RFX4: variants seen among roughly 807,000 people sequenced by gnomAD.
RFX4 encodes the protein regulatory factor X4.
RFX4 carries 10 observed loss-of-function variants against 95.0 expected under a neutral mutation model. The observed-to-expected ratio is 0.11, with a 90% CI of 0.06 to 0.18. The LOEUF is 0.18. RFX4 is among the 10% of genes least tolerant of loss of function. The probability of loss-of-function intolerance (pLI) is 1.00; values close to 1 mark genes in which losing one functional copy is unlikely to be tolerated. For missense variants in RFX4, 640 were observed against 922.0 expected (o/e 0.69, Z 3.96); for synonymous variants, 321 against 340.7 (o/e 0.94, Z 0.64).
chr12:106,711,008 C>G (rs917739107), intron 9 of RFX4, among the ~76,000 whole-genome samples: 3 of 152,158 alleles, frequency 2.0e-5, no homozygotes, highest in African/African-American at 7.2e-5. Context: ...CCTCCTAGCC[C>G]CACACACCGC....
At chr12:106,593,836 G>A (rs1476946524) in intron 1 of RFX4, among the ~76,000 whole-genome samples, 1 of 152,180 alleles carries the variant, frequency 6.6e-6, no homozygotes. Context: ...AATAAGTCAA[G>A]TTTCTATTGA....
intron 10 of RFX4, 171 bp from the exon 11 acceptor site, chr12:106,715,229 C>A: frequency 1.5e-6 from 1 of 669,048 alleles, no homozygotes; most frequent in Non-Finnish European, 2.4e-6. Flanking sequence ...ACAGTGTCTG[C>A]GTCTTCTGAG....
chr12:106,588,953 A>G (rs1012895889), intron 1 of RFX4, among the ~76,000 whole-genome samples: 1 of 152,154 alleles, frequency 6.6e-6, no homozygotes, highest in Admixed American at 6.5e-5. Context: ...TAAAGTGGTG[A>G]CATCACAAGT....
In RFX4 at chr12:106,721,137, C is replaced by A. The variant is rs368989020; in HGVS notation, c.1351+261C>A. ...CTTAAAGAAGAATAAATTGCAGTGG[C>A]TGTACTCCCCATGCCTAGATGTTCC... On this transcript the variant is annotated intron_variant, in intron 13 of 17. Transcript: ENST00000392842. Among the ~76,000 whole-genome samples the A allele has an allele frequency of 2.0e-5, 3 of 152,200 alleles. No individual in the cohort carries two copies. The South Asian group carries it at 6.2e-4, about 32-fold the overall frequency.
chr12:106,708,558 G>A (rs1325537550), intron 8 of RFX4, among the ~76,000 whole-genome samples: 1 of 152,144 alleles, frequency 6.6e-6, no homozygotes, highest in East Asian at 1.9e-4. Flanking sequence ...CTGAACCAGG[G>A]CAGGCTAGGT....
chr12:106,695,001 C>T (rs1017145955), intron 7 of RFX4, among the ~76,000 whole-genome samples: 3 of 152,132 alleles, frequency 2.0e-5, no homozygotes, highest in Non-Finnish European at 4.4e-5. Context: ...CACACCACTG[C>T]ACTCCAGCCT....
intron 7 of RFX4, 62 bp downstream of exon 7, chr12:106,689,426 T>G: frequency 7.4e-7 from 1 of 1,344,882 alleles, no homozygotes; most frequent in Non-Finnish European, 1.1e-6. Context: ...CACTAGCTCC[T>G]ATTTCATGAG....
At chr12:106,724,989 G>A (rs2042465163) in intron 13 of RFX4, among the ~76,000 whole-genome samples, 1 of 151,268 alleles carries the variant, frequency 6.6e-6, no homozygotes, top group South Asian at 2.1e-4. Context: ...CTCCAGCCTG[G>A]GTGACGGAGT....
intron 15 of RFX4, among the ~76,000 whole-genome samples, chr12:106,743,865 C>T (rs912527276): frequency 1.3e-5 from 2 of 152,206 alleles, no homozygotes; most frequent in Non-Finnish European, 2.9e-5. Context: ...GGGTTAATTA[C>T]TTGCTTGCTG....
At chr12:106,721,490 A>T (rs1475954115) in intron 13 of RFX4, among the ~76,000 whole-genome samples, 1 of 152,170 alleles carries the variant, frequency 6.6e-6, no homozygotes, top group African/African-American at 2.4e-5. Context: ...TACTGATAAC[A>T]GTCTCTGCGG....
At chr12:106,672,811 C>T (rs977328476) in intron 4 of RFX4, among the ~76,000 whole-genome samples, 2 of 150,304 alleles carry the variant, frequency 1.3e-5, no homozygotes, top group African/African-American at 4.9e-5. Flanking sequence ...GTTTTTGTTG[C>T]AGCTGCAAGG....
intron 3 of RFX4, among the ~76,000 whole-genome samples, chr12:106,641,977 C>CTATATCTATCTA (rs2040637801): frequency 2.7e-5 from 4 of 145,820 alleles, no homozygotes; most frequent in African/African-American, 1.0e-4. Context: ...CTATCTATAT[C>CTATATCTATCTA]TATATCTATA....
At chr12:106,639,450 A>G (rs2040575794) in intron 3 of RFX4, 58 bp downstream of exon 3, 2 of 1,408,798 alleles carry the variant, frequency 1.4e-6, no homozygotes, top group Non-Finnish European at 2.0e-6. Context: ...CTTCTTGTCT[A>G]TAGGATAGGA....
chr12:106,752,155 T>C (rs1423499489), intron 17 of RFX4, among the ~76,000 whole-genome samples: 2 of 151,288 alleles, frequency 1.3e-5, no homozygotes, highest in East Asian at 1.9e-4. Flanking sequence ...TTTCTACATA[T>C]GGCTAGCCAG....
At chr12:106,757,632 AAG>A (rs1458831037) in intron 17 of RFX4, among the ~76,000 whole-genome samples, 2 of 151,954 alleles carry the variant, frequency 1.3e-5, no homozygotes, top group East Asian at 3.9e-4. Context: ...AGAAGAAGCT[AAG>A]AGGCTAGGGG....
chr12:106,682,819 C>T (rs1301124869), intron 5 of RFX4: 2 of 152,224 alleles, frequency 1.3e-5, no homozygotes, highest in African/African-American at 4.8e-5. Context: ...GGAAGGGAAT[C>T]TCTTCCTGTA....
At chr12:106,647,572 C>A (rs906897455) in intron 3 of RFX4, among the ~76,000 whole-genome samples, 2 of 152,104 alleles carry the variant, frequency 1.3e-5, no homozygotes, top group African/African-American at 4.8e-5. Flanking sequence ...TCTTATTGGC[C>A]TTTCCTCCTT....
At chr12:106,730,255 TAA>T (rs1169425988) in intron 13 of RFX4, among the ~76,000 whole-genome samples, 1 of 152,082 alleles carries the variant, frequency 6.6e-6, no homozygotes, top group African/African-American at 2.4e-5. Flanking sequence ...AGAAAATACA[TAA>T]ATTTCACCAA....
intron 2 of RFX4, among the ~76,000 whole-genome samples, chr12:106,636,597 C>A (rs1340363987): frequency 6.6e-6 from 1 of 152,078 alleles, no homozygotes; most frequent in African/African-American, 2.4e-5. Context: ...TTTAGAAGAA[C>A]TCCAGGTTGA....
Sources: allele counts gnomAD v4.1 joint callset (sites outside exome capture counted in the v4.1 genomes callset), GRCh38; gene constraint gnomAD v4.1.1; transcripts MANE v1.5; gene names NCBI Gene and HGNC (gene_info 2026-07-23, HGNC 2026-07-21).